The following ARHGEF7 variants were observed in gnomAD, a reference collection of about 807,000 sequenced individuals.
The protein encoded by ARHGEF7 is Rho guanine nucleotide exchange factor 7.
A neutral mutation model predicts 109.8 loss-of-function variants in ARHGEF7; 33 were observed. That is an observed-to-expected ratio of 0.30 (90% confidence interval 0.23 to 0.40). ARHGEF7 has a LOEUF of 0.40. ARHGEF7 is among the 10% of genes least tolerant of loss of function. The probability of loss-of-function intolerance (pLI) is 1.00; values close to 1 mark genes in which losing one functional copy is unlikely to be tolerated. For synonymous variants in ARHGEF7, 458 were observed against 424.6 expected (o/e 1.08, Z -0.97); for missense variants, 938 against 1,098.5 (o/e 0.85, Z 2.07).
Position 111,303,248 on chromosome 13 carries a change from G to A in ARHGEF7, c.*135G>A, listed in dbSNP as rs2093608069. On this transcript the variant is annotated 3_prime_UTR_variant, in exon 22 of 22. Coordinates refer to ENST00000646102, the MANE Select transcript of ARHGEF7 (RefSeq NM_001354046.2). Reference sequence around the variant, plus strand: ...CACCTTGCTCTCTGTATATAGAAAAGCTGGAGCTTATTCTGCGAATGGAGA... The same window carrying A: ...CACCTTGCTCTCTGTATATAGAAAAACTGGAGCTTATTCTGCGAATGGAGA... 1.2e-6 allele frequency: 1 copy of A among 828,292 alleles called. No individual in the cohort carries two copies. Among genetic ancestry groups the A allele is most frequent in the Admixed American group, 3.0e-5 (1 of 33,272 alleles). 51.3% of individuals were successfully genotyped at this position (828,292 alleles called of 1,614,324 possible).
chr13:111,280,806 A>G, intron 15 of ARHGEF7, 129 bp downstream of exon 15: 1 of 1,091,618 alleles, frequency 9.2e-7, no homozygotes, highest in Non-Finnish European at 1.3e-6. Flanking sequence ...CACTTGCTTC[A>G]CATTTCTCTG....
chr13:111,302,454 G>T (rs765759258), intron 21 of ARHGEF7, among the ~76,000 whole-genome samples: 3 of 152,198 alleles, frequency 2.0e-5, no homozygotes, highest in African/African-American at 4.8e-5. Context: ...AGCAGTGTCC[G>T]CAGGTCTTCC....
chr13:111,123,862 GC>G (rs59479493), intron 1 of ARHGEF7, among the ~76,000 whole-genome samples: 1,599 of 110,072 alleles, frequency 0.015, 43 homozygotes, highest in East Asian at 0.042. Context: ...GGTGGGCTGC[GC>G]CCCCCCCCCC....
At chr13:111,152,729 C>T (rs1344739945) in intron 1 of ARHGEF7, among the ~76,000 whole-genome samples, 1 of 152,196 alleles carries the variant, frequency 6.6e-6, no homozygotes, top group Non-Finnish European at 1.5e-5. Context: ...TAAATGTCAA[C>T]GCTTAATGTC....
At chr13:111,243,288 TC>T (rs1483895878) in intron 6 of ARHGEF7, among the ~76,000 whole-genome samples, 1 of 152,168 alleles carries the variant, frequency 6.6e-6, no homozygotes, top group Non-Finnish European at 1.5e-5. Context: ...AAAGGCACAG[TC>T]CAGTGAGCTT....
At chr13:111,173,312 T>C (rs2077773858) in intron 2 of ARHGEF7, among the ~76,000 whole-genome samples, 2 of 152,196 alleles carry the variant, frequency 1.3e-5, no homozygotes, top group African/African-American at 4.8e-5. Context: ...TGTGCTTGGC[T>C]AGCTTGTCTT....
chr13:111,148,867 T>C (rs537983665), intron 1 of ARHGEF7, among the ~76,000 whole-genome samples: 2 of 152,274 alleles, frequency 1.3e-5, no homozygotes, highest in Non-Finnish European at 2.9e-5. Context: ...ATTTTTAACT[T>C]ACGAGAGACC....
At chr13:111,191,569 A>G (rs1023589360) in intron 2 of ARHGEF7, among the ~76,000 whole-genome samples, 2 of 152,162 alleles carry the variant, frequency 1.3e-5, no homozygotes, top group Non-Finnish European at 2.9e-5. Context: ...AGGTTTTTGC[A>G]GGAATGGGAG....
At chr13:111,288,262 T>G in intron 17 of ARHGEF7, 92 bp from the exon 18 acceptor site, 1 of 642,360 alleles carries the variant, frequency 1.6e-6, no homozygotes, top group Non-Finnish European at 2.6e-6. Flanking sequence ...CTTGGTCACT[T>G]TGGTCGAGTT....
At chr13:111,285,528 G>A (rs1023355563) in intron 16 of ARHGEF7, among the ~76,000 whole-genome samples, 1 of 152,140 alleles carries the variant, frequency 6.6e-6, no homozygotes, top group South Asian at 2.1e-4. Flanking sequence ...GTTTGAAGAG[G>A]TAAGGGGTGG....
At chr13:111,267,144 G>A (rs2091719180) in intron 8 of ARHGEF7, among the ~76,000 whole-genome samples, 1 of 152,234 alleles carries the variant, frequency 6.6e-6, no homozygotes, top group Admixed American at 6.5e-5. Context: ...GAAGGGAAAG[G>A]CGGTTTTTGT....
At chr13:111,201,451 G>T (rs559567396) in intron 2 of ARHGEF7, among the ~76,000 whole-genome samples, 4 of 152,116 alleles carry the variant, frequency 2.6e-5, no homozygotes, top group Non-Finnish European at 5.9e-5. Context: ...TTGTACTTTG[G>T]GGCTTCATTT....
rs1406480900 is a variant in ARHGEF7, at chr13:111,283,379, C to A, written c.1950+16C>A. On this transcript the variant is annotated intron_variant, in intron 16 of 21. Transcript: ENST00000646102. ...CTACAAGGAGGTGAGGTCCCTTGAC[C>A]ACTCAAACAGCCAGATGACGGTGAG... 4.5e-6 allele frequency: 7 copies of A among 1,538,688 alleles called. No individual in the cohort carries two copies. In the East Asian group the frequency reaches 7.3e-5, roughly 16 times the overall value.
chr13:111,144,805 T>C (rs920942969), intron 1 of ARHGEF7: 15 of 152,152 alleles, frequency 9.9e-5, no homozygotes, highest in African/African-American at 3.4e-4. Context: ...AGGGGAAGAA[T>C]AATAGATTGG....
chr13:111,150,653 G>C (rs145829237), intron 1 of ARHGEF7, among the ~76,000 whole-genome samples: 2 of 152,126 alleles, frequency 1.3e-5, no homozygotes, highest in Non-Finnish European at 1.5e-5. Flanking sequence ...ATAATGCTGC[G>C]TATAGTGAGT....
At chr13:111,178,246 T>G (rs139805802) in intron 2 of ARHGEF7, among the ~76,000 whole-genome samples, 1 of 152,232 alleles carries the variant, frequency 6.6e-6, no homozygotes, top group Admixed American at 6.5e-5. Flanking sequence ...CCTTATGTCC[T>G]GGGAACCAGC....
chr13:111,242,603 G>T (rs2153542856), intron 6 of ARHGEF7, among the ~76,000 whole-genome samples: 1 of 152,344 alleles, frequency 6.6e-6, no homozygotes, highest in South Asian at 2.1e-4. Context: ...CTCTGTAACA[G>T]ACTCGGGTGA....
intron 5 of ARHGEF7, among the ~76,000 whole-genome samples, chr13:111,221,213 ATGTCTATATATATC>A (rs1566868501): frequency 0.01 from 639 of 62,320 alleles, 13 homozygotes; most frequent in Middle Eastern, 0.02. Flanking sequence ...ATAGATATAT[ATGTCTATATATATC>A]TATATAGATA....
intron 1 of ARHGEF7, among the ~76,000 whole-genome samples, chr13:111,150,881 A>G (rs968937726): frequency 3.3e-5 from 5 of 152,238 alleles, no homozygotes; most frequent in Non-Finnish European, 5.9e-5. Flanking sequence ...TCCAAAATTA[A>G]TAAGACCCAG....
Sources: allele counts gnomAD v4.1 joint callset (sites outside exome capture counted in the v4.1 genomes callset), GRCh38; gene constraint gnomAD v4.1.1; transcripts MANE v1.5; gene names NCBI Gene and HGNC (gene_info 2026-07-23, HGNC 2026-07-21).